The following PCSK2 variants were observed in gnomAD, a reference collection of about 807,000 sequenced individuals.
The protein encoded by PCSK2 is proprotein convertase subtilisin/kexin type 2, also known as neuroendocrine convertase 2.
PCSK2 carries 14 observed loss-of-function variants against 69.7 expected under a neutral mutation model. That is an observed-to-expected ratio of 0.20 (90% CI 0.13 to 0.31). The LOEUF is 0.31. Ranked by LOEUF, PCSK2 falls within the 10% of genes least tolerant of loss-of-function variation. PCSK2 has a pLI of 1.00. For synonymous variants in PCSK2, 307 were observed against 320.7 expected, an observed-to-expected ratio of 0.96 and a Z score of 0.46; for missense variants, 544 against 842.5, an observed-to-expected ratio of 0.65 and a Z score of 4.39.
chr20:17,358,287 C>T, intron 2 of PCSK2, 40 bp from the exon 3 acceptor site: 1 of 1,121,440 alleles, frequency 8.9e-7, no homozygotes, highest in Non-Finnish European at 1.4e-6. Context: ...ACAGAATGTT[C>T]AGATTATATT....
intron 11 of PCSK2, among the ~76,000 whole-genome samples, chr20:17,466,997 G>A (rs73251894): frequency 0.01 from 1,542 of 152,234 alleles, 23 homozygotes; most frequent in African/African-American, 0.035. Flanking sequence ...ATACACCTCC[G>A]TGGCTTACAT....
At chr20:17,460,136 C>T (rs900467546) in intron 10 of PCSK2, among the ~76,000 whole-genome samples, 6 of 152,064 alleles carry the variant, frequency 3.9e-5, no homozygotes, top group African/African-American at 1.4e-4. Flanking sequence ...TTCATGTTCT[C>T]TAGACGTGCT....
chr20:17,410,092 T>C (rs564928262), intron 6 of PCSK2, among the ~76,000 whole-genome samples: 2 of 152,336 alleles, frequency 1.3e-5, no homozygotes, highest in South Asian at 2.1e-4. Flanking sequence ...CAATTAGTTG[T>C]ATAAAAATAT....
chr20:17,346,119 A>G (rs1378101484), intron 2 of PCSK2, among the ~76,000 whole-genome samples: 1 of 152,242 alleles, frequency 6.6e-6, no homozygotes, highest in Non-Finnish European at 1.5e-5. Flanking sequence ...CCCACCCAGC[A>G]TCCTCCTTCT....
At chr20:17,294,249 C>T (rs1348135669) in intron 2 of PCSK2, among the ~76,000 whole-genome samples, 3 of 150,752 alleles carry the variant, frequency 2.0e-5, no homozygotes, top group South Asian at 2.1e-4. Context: ...GGACTACAGG[C>T]GCCCGCCACC....
At chr20:17,442,774 GCC>G (rs1290965780) in intron 8 of PCSK2, among the ~76,000 whole-genome samples, 3 of 152,156 alleles carry the variant, frequency 2.0e-5, no homozygotes, top group Non-Finnish European at 4.4e-5. Context: ...TAAAAATAAA[GCC>G]CTTTTACGCC....
At chr20:17,403,859 T>C (rs1031538899) in intron 5 of PCSK2, among the ~76,000 whole-genome samples, 2 of 152,216 alleles carry the variant, frequency 1.3e-5, no homozygotes, top group African/African-American at 4.8e-5. Flanking sequence ...GAGGTCGGGT[T>C]TGTGCACAAC....
chr20:17,368,711 G>T (rs568875306), intron 4 of PCSK2, among the ~76,000 whole-genome samples: 1 of 152,128 alleles, frequency 6.6e-6, no homozygotes, highest in Admixed American at 6.5e-5. Flanking sequence ...CAAGCCTCAG[G>T]CTTCCTGGAA....
chr20:17,412,623 G>A (rs2123309110), intron 6 of PCSK2, among the ~76,000 whole-genome samples: 2 of 152,280 alleles, frequency 1.3e-5, no homozygotes, highest in East Asian at 3.9e-4. Flanking sequence ...TATTATCCAG[G>A]AGAACTTCCC....
chr20:17,350,508 G>T (rs1319303003), intron 2 of PCSK2, among the ~76,000 whole-genome samples: 1 of 151,836 alleles, frequency 6.6e-6, no homozygotes, highest in East Asian at 1.9e-4. Context: ...TTAATTATCA[G>T]CCCAGCAGGG....
At chr20:17,318,493 CA>C (rs2123125770) in intron 2 of PCSK2, among the ~76,000 whole-genome samples, 1 of 152,328 alleles carries the variant, frequency 6.6e-6, no homozygotes, top group Non-Finnish European at 1.5e-5. Context: ...GTTTCAAAGG[CA>C]AAATGCATTC....
At chr20:17,470,923 A>G (rs2033188572) in intron 11 of PCSK2, among the ~76,000 whole-genome samples, 2 of 152,214 alleles carry the variant, frequency 1.3e-5, no homozygotes, top group Non-Finnish European at 2.9e-5. Flanking sequence ...CATATAAGCA[A>G]TATTTACAAT....
intron 4 of PCSK2, among the ~76,000 whole-genome samples, chr20:17,365,221 C>A (rs1311995906): frequency 6.6e-6 from 1 of 152,128 alleles, no homozygotes; most frequent in East Asian, 1.9e-4. Flanking sequence ...GTGGAGGGGA[C>A]AAACACTGCG....
chr20:17,417,619 C>T (rs1345533952), intron 6 of PCSK2, among the ~76,000 whole-genome samples: 1 of 152,166 alleles, frequency 6.6e-6, no homozygotes, highest in African/African-American at 2.4e-5. Flanking sequence ...TCCACAGAAC[C>T]AAGAAAATCC....
At chr20:17,292,565 G>A (rs1280509693) in intron 2 of PCSK2, among the ~76,000 whole-genome samples, 1 of 152,096 alleles carries the variant, frequency 6.6e-6, no homozygotes, top group African/African-American at 2.4e-5. Context: ...TATACAAATG[G>A]TTTAAAATCA....
At chr20:17,343,025 A>G (rs1990551651) in intron 2 of PCSK2, among the ~76,000 whole-genome samples, 1 of 152,174 alleles carries the variant, frequency 6.6e-6, no homozygotes, top group South Asian at 2.1e-4. Context: ...ATGAGAAAAC[A>G]AATGTACAGA....
chr20:17,363,910 A>G (rs1360272798), intron 4 of PCSK2, among the ~76,000 whole-genome samples: 1 of 152,214 alleles, frequency 6.6e-6, no homozygotes, highest in Non-Finnish European at 1.5e-5. Context: ...AAACTGCCCA[A>G]AGTCTCACAA....
At chr20:17,281,405 T>A (rs761693845) in intron 2 of PCSK2, among the ~76,000 whole-genome samples, 1 of 152,174 alleles carries the variant, frequency 6.6e-6, no homozygotes, top group Non-Finnish European at 1.5e-5. Context: ...CAAACCTCGG[T>A]AAAGACTAGA....
At chr20:17,243,068 C>T (rs1986642438) in intron 1 of PCSK2, among the ~76,000 whole-genome samples, 1 of 152,144 alleles carries the variant, frequency 6.6e-6, no homozygotes, top group Non-Finnish European at 1.5e-5. Context: ...ATGTCCAGCT[C>T]CTCATTCTCA....
Sources: gnomAD v4.1 joint callset for allele counts (sites outside exome capture counted in the v4.1 genomes callset) on GRCh38, gnomAD v4.1.1 for gene constraint, MANE v1.5 for transcripts, NCBI Gene and HGNC (gene_info 2026-07-23, HGNC 2026-07-21) for gene names.